The following CEP126 variants were observed in gnomAD, a reference collection of about 807,000 sequenced individuals.
CEP126 encodes the protein centrosomal protein 126.
A neutral mutation model predicts 107.8 loss-of-function variants in CEP126; 74 were observed. That is an observed-to-expected ratio of 0.69 (90% CI 0.57 to 0.83). CEP126 has a LOEUF of 0.83. CEP126 is among the 40% of genes least tolerant of loss of function. The pLI is 0.00. For synonymous variants in CEP126, 449 were observed against 446.0 expected (o/e 1.01, Z -0.08); for missense variants, 1,237 against 1,281.9 (o/e 0.96, Z 0.53).
chr11:101,940,529 C>A (rs890465510), intron 2 of CEP126, among the ~76,000 whole-genome samples: 3 of 152,126 alleles, frequency 2.0e-5, no homozygotes, highest in Non-Finnish European at 4.4e-5. Context: ...TATTAAAAAT[C>A]TGTGTTGAAT....
At chr11:101,928,402 C>T (rs1408833838) in intron 2 of CEP126, among the ~76,000 whole-genome samples, 1 of 152,110 alleles carries the variant, frequency 6.6e-6, no homozygotes, top group Non-Finnish European at 1.5e-5. Context: ...TTTTTATGGA[C>T]TCTGCTTTTG....
At chr11:101,928,664 A>C (rs1304587015) in intron 2 of CEP126, among the ~76,000 whole-genome samples, 1 of 152,034 alleles carries the variant, frequency 6.6e-6, no homozygotes, top group Admixed American at 6.6e-5. Context: ...TTCCTCCATG[A>C]ATTGTTTTTG....
At chr11:101,935,549 A>T (rs796337108) in intron 2 of CEP126, among the ~76,000 whole-genome samples, 6 of 152,074 alleles carry the variant, frequency 3.9e-5, no homozygotes, top group African/African-American at 1.4e-4. Flanking sequence ...ACATAAGTTT[A>T]TTTAGTTGCT....
At chr11:101,993,594 G>C (rs1190680277) in intron 10 of CEP126, among the ~76,000 whole-genome samples, 2 of 152,116 alleles carry the variant, frequency 1.3e-5, no homozygotes, top group Admixed American at 6.5e-5. Flanking sequence ...TGGGTTGAAT[G>C]GTACTTCTGT....
chr11:101,971,549 G>A (rs1941128673), intron 6 of CEP126, among the ~76,000 whole-genome samples: 1 of 151,662 alleles, frequency 6.6e-6, no homozygotes, highest in South Asian at 2.1e-4. Context: ...GGGAGGTGTT[G>A]CGTTGTTTTT....
At chr11:101,957,407 T>G (rs938140627) in intron 4 of CEP126, among the ~76,000 whole-genome samples, 3 of 152,224 alleles carry the variant, frequency 2.0e-5, no homozygotes, top group Non-Finnish European at 4.4e-5. Context: ...TTTAGTTCTT[T>G]GCTTTCACTT....
At chr11:101,958,524 G>T (rs575120282) in intron 5 of CEP126, among the ~76,000 whole-genome samples, 158 bp downstream of exon 5, 4 of 150,834 alleles carry the variant, frequency 2.7e-5, no homozygotes, top group Non-Finnish European at 5.9e-5. Flanking sequence ...AGAAACTATA[G>T]AAATAATTTT....
At position 101,961,727 on chromosome 11, in the gene CEP126, C is replaced by T; in HGVS notation, c.706-14C>T. Reference sequence around the variant, plus strand: ...AGTTTATAAGCTATAAAACAATGTTCTTTTTTTTTCCAGAAATTTTGTGAT... The same window carrying T: ...AGTTTATAAGCTATAAAACAATGTTTTTTTTTTTTCCAGAAATTTTGTGAT... On this transcript the variant is annotated splice_polypyrimidine_tract_variant and intron_variant, in intron 5 of 10. Transcript: ENST00000263468. The T allele has an allele frequency of 7.4e-7, 1 of 1,358,438 alleles. No homozygotes were observed. Among genetic ancestry groups the T allele is most frequent in the Non-Finnish European group, 1.0e-6 (1 of 992,352 alleles). The allele number at this position is 1,358,438 out of a possible 1,614,324, so 84.1% of individuals were successfully genotyped here.
At chr11:101,937,222 C>T (rs931680341) in intron 2 of CEP126, among the ~76,000 whole-genome samples, 3 of 152,138 alleles carry the variant, frequency 2.0e-5, no homozygotes, top group African/African-American at 4.8e-5. Flanking sequence ...GGACAATCTG[C>T]GGTTGTTTGG....
At chr11:101,937,231 G>C (rs1256293504) in intron 2 of CEP126, among the ~76,000 whole-genome samples, 1 of 152,120 alleles carries the variant, frequency 6.6e-6, no homozygotes, top group East Asian at 1.9e-4. Flanking sequence ...GCGGTTGTTT[G>C]GTCATCACCA....
At position 101,948,127 on chromosome 11, in the gene CEP126, C is replaced by T. The variant is rs1184985966; in HGVS notation, c.491C>T (p.Pro164Leu). Reference sequence around the variant, plus strand: ...GTAAACCTTCCCTTTTCCCGTAGACCAACAATAAACTGGAGGTAAGTAATT... The same window carrying T: ...GTAAACCTTCCCTTTTCCCGTAGACTAACAATAAACTGGAGGTAAGTAATT... The part of the protein sequence containing the change: ...SEVNLPFSRR[P>L]TINWRAIDSA... The change falls in exon 4 of 11, where the codon CCA becomes CTA. Residue 164 changes from proline (P) to leucine (L), a missense_variant. This residue lies in a region of CEP126 where 1,134 missense variants were observed against 1,150.5 expected (regional missense o/e 0.99). Coordinates refer to ENST00000263468, the MANE Select transcript of CEP126 (RefSeq NM_020802.4). The T allele has an allele frequency of 6.3e-7, 1 of 1,591,836 alleles. No homozygotes were observed. The highest frequency in any genetic ancestry group is 1.1e-5 in the South Asian group (1 of 89,998).
intron 7 of CEP126, among the ~76,000 whole-genome samples, chr11:101,978,713 G>A (rs1424908606): frequency 6.6e-6 from 1 of 152,086 alleles, no homozygotes; most frequent in Non-Finnish European, 1.5e-5. Flanking sequence ...TATTATTTTA[G>A]TTGTTATTAT....
chr11:101,992,739 T>G (rs1156910998), intron 9 of CEP126, 39 bp from the exon 10 acceptor site: 2 of 1,084,408 alleles, frequency 1.8e-6, no homozygotes, highest in Admixed American at 5.6e-5. Context: ...TCTATATATG[T>G]AACTAAATTA....
Position 101,958,318 on chromosome 11 carries a change from G to A in CEP126, c.657G>A (p.Leu219=). Residue 219 remains leucine (L), a synonymous_variant, in exon 5 of 11, where the codon CTG becomes CTA. Coordinates refer to ENST00000263468, the MANE Select transcript of CEP126 (RefSeq NM_020802.4). ...ATSKNVFQLK[L]EETQKLLEDQ... is the part of the protein sequence containing the mutation. ...GCAAAAATGTGTTCCAGCTTAAACT[G>A]GAGGAAACTCAGAAACTCCTCGAAG... is the stretch of plus-strand genomic sequence containing the variant. 1 of 1,613,940 alleles carries A rather than the reference G, an allele frequency of 6.2e-7. No individual in the cohort carries two copies. Among genetic ancestry groups the A allele is most frequent in the South Asian group, 1.1e-5 (1 of 91,072 alleles).
At chr11:101,959,192 C>G (rs977268720) in intron 5 of CEP126, among the ~76,000 whole-genome samples, 11 of 150,810 alleles carry the variant, frequency 7.3e-5, no homozygotes, top group Non-Finnish European at 8.9e-5. Context: ...GAGTCTCACT[C>G]TGTCACCAGG....
At chr11:101,989,829 G>A (rs568022812) in intron 9 of CEP126, among the ~76,000 whole-genome samples, 9 of 152,258 alleles carry the variant, frequency 5.9e-5, no homozygotes, top group Non-Finnish European at 1.2e-4. Flanking sequence ...GCGTGGTGGT[G>A]GGTGCCTGTA....
rs765313268 is a variant in CEP126, at chr11:101,915,237, A to T, written c.-48A>T. ...GGAGGAGGAGGAAGCCGGAGCTGCC[A>T]TGAGGGAGGTTCTGGGGGCGAGCAG... is the stretch of plus-strand genomic sequence containing the variant. On this transcript the variant is annotated 5_prime_UTR_variant, in exon 1 of 11. An upstream start codon of the reference 5' UTR is lost. Transcript: ENST00000263468. The T allele has an allele frequency of 4.4e-6, 7 of 1,608,260 alleles. No homozygotes were observed. Among genetic ancestry groups the T allele is most frequent in the African/African-American group, 1.3e-5 (1 of 74,772 alleles).
intron 2 of CEP126, among the ~76,000 whole-genome samples, chr11:101,943,748 A>C (rs939898607): frequency 3.3e-5 from 5 of 152,078 alleles, no homozygotes; most frequent in African/African-American, 9.7e-5. Flanking sequence ...AGATCTTCCA[A>C]ATTTTGAAGA....
chr11:101,948,461 GA>G (rs1039056450), intron 4 of CEP126, among the ~76,000 whole-genome samples: 1 of 152,140 alleles, frequency 6.6e-6, no homozygotes, highest in Non-Finnish European at 1.5e-5. Context: ...TTACTGAGAA[GA>G]GAAAATTATG....
Sources: gnomAD v4.1 joint callset for allele counts (sites outside exome capture counted in the v4.1 genomes callset) on GRCh38, gnomAD v4.1.1 for gene constraint, gnomAD v4.1.1 regional missense constraint, MANE v1.5 for transcripts, NCBI Gene and HGNC (gene_info 2026-07-23, HGNC 2026-07-21) for gene names.